Variants in FAT4 observed in about 807,000 individuals in gnomAD.
The protein encoded by FAT4 is protocadherin Fat 4.
Under a neutral mutation model 303.9 loss-of-function variants are expected in FAT4, and 84 were observed. The ratio of observed to expected loss-of-function variants is 0.28; its 90% confidence interval spans 0.23 to 0.33. The LOEUF (loss-of-function observed/expected upper bound fraction) is 0.33, where lower values mean the gene tolerates loss of function less well. Ranked by LOEUF, FAT4 falls within the 10% of genes least tolerant of loss-of-function variation. FAT4 has a pLI of 1.00. For missense variants in FAT4, 6,005 were observed against 6,146.8 expected (o/e 0.98, Z 0.77); for synonymous variants, 2,307 against 2,298.8 (o/e 1.00, Z -0.10).
In FAT4 at chr4:125,479,737, T is replaced by A. The variant is rs1271043356; in HGVS notation, c.12480-4T>A. 1 of 1,579,310 alleles carries A rather than the reference T, an allele frequency of 6.3e-7. No homozygotes were observed. On this transcript the variant is annotated splice_polypyrimidine_tract_variant and splice_region_variant and intron_variant, in intron 14 of 17. Transcript: ENST00000394329. ...GTTATTGTTCTCATTATGATTTATT[T>A]TAGATGCCCTAGGCTGGAAGGCGCT...
chr4:125,317,984 A>G lies in FAT4; in HGVS notation c.1573A>G (p.Ile525Val). Reference sequence around the variant, plus strand: ...TGGCAATGGACTGGGATGGTTCCATATCAGTGAACATAGCGGCCTCGTGAC... The same window carrying G: ...TGGCAATGGACTGGGATGGTTCCATGTCAGTGAACATAGCGGCCTCGTGAC... ...VSGNGLGWFH[I>V]SEHSGLVTTG... Residue 525 changes from isoleucine to valine, a missense_variant, in exon 2 of 18, where the codon ATC becomes GTC. Coordinates refer to ENST00000394329, the MANE Select transcript of FAT4 (RefSeq NM_001291303.3). This position sits in a 1 kb window ranked among gnomAD's most constrained non-coding sequence, Gnocchi z 7.0. 1 of 1,614,128 alleles carries G rather than the reference A, an allele frequency of 6.2e-7. No homozygotes were observed. The highest frequency in any genetic ancestry group is 8.5e-7 in the Non-Finnish European group (1 of 1,180,030).
chr4:125,341,810 A>G (rs1194401646), intron 2 of FAT4, among the ~76,000 whole-genome samples: 1 of 152,054 alleles, frequency 6.6e-6, no homozygotes, highest in African/African-American at 2.4e-5. Flanking sequence ...CATAATATAA[A>G]GACATTTGAC....
At chr4:125,364,809 TA>T in intron 2 of FAT4, among the ~76,000 whole-genome samples, 1 of 152,236 alleles carries the variant, frequency 6.6e-6, no homozygotes, top group Non-Finnish European at 1.5e-5. Flanking sequence ...AAAGTAAGAC[TA>T]AAAGTTTGGT....
chr4:125,410,033 C>A (rs1167608148), intron 5 of FAT4, among the ~76,000 whole-genome samples: 27 of 152,104 alleles, frequency 1.8e-4, no homozygotes, highest in Non-Finnish European at 2.9e-5. Context: ...TCTATACTTA[C>A]TTTCCTTCTC....
intron 2 of FAT4, among the ~76,000 whole-genome samples, chr4:125,390,532 T>C (rs1317819492): frequency 4.6e-5 from 7 of 152,242 alleles, no homozygotes; most frequent in Non-Finnish European, 8.8e-5. Flanking sequence ...GCTTCCAGCA[T>C]CTTGTTTCAC....
Position 125,318,498 on chromosome 4 carries a change from C to T in FAT4, c.2087C>T (p.Ala696Val). 6.2e-7 allele frequency: 1 copy of T among 1,614,180 alleles called. No homozygotes were observed. Among genetic ancestry groups the T allele is most frequent in the South Asian group, 1.1e-5 (1 of 91,080 alleles). ...SPVFYPVQYF[A>V]HIKENEPGGS... ...GTCTTCTACCCGGTCCAATACTTTG[C>T]TCACATTAAGGAGAATGAGCCTGGA... is the stretch of plus-strand genomic sequence containing the variant. Residue 696 changes from alanine to valine, a missense_variant, in exon 2 of 18, where the codon GCT (alanine) becomes GTT (valine). Physicochemically the swap from Ala to Val is moderately conservative, Grantham distance 64. Transcript: ENST00000394329.
Position 125,360,013 on chromosome 4 carries a change from A to G in FAT4, c.5175+38427A>G, listed in dbSNP as rs1732592316. Among the ~76,000 whole-genome samples, 5 of 152,234 alleles carry G rather than the reference A, an allele frequency of 3.3e-5. No individual in the cohort carries two copies. In the South Asian group the frequency reaches 8.3e-4, roughly 25 times the overall value. ...TAGATGGATTTTCCCTCAGGATGAA[A>G]CAACCTAAATTCAAGTGTCCTAAAC... On this transcript the variant is annotated intron_variant, in intron 2 of 17. Transcript: ENST00000394329.
At chr4:125,378,467 T>C (rs545375946) in intron 2 of FAT4, among the ~76,000 whole-genome samples, 8 of 152,250 alleles carry the variant, frequency 5.3e-5, no homozygotes, top group African/African-American at 1.9e-4. Context: ...AAATCAGATG[T>C]AATTTCATAT....
intron 10 of FAT4, 31 bp downstream of exon 10, chr4:125,452,841 G>A: frequency 6.4e-7 from 1 of 1,551,686 alleles, no homozygotes; most frequent in Non-Finnish European, 8.7e-7. Context: ...TTCTCACTAA[G>A]ACTTTAGCCA....
intron 2 of FAT4, among the ~76,000 whole-genome samples, chr4:125,322,283 T>G (rs1194844534): frequency 2.0e-5 from 3 of 152,144 alleles, no homozygotes; most frequent in African/African-American, 7.2e-5. Flanking sequence ...TTGACAATAC[T>G]GAGTTCAATG....
Position 125,489,837 on chromosome 4 carries a change from A to G in FAT4, c.13085-64A>G, listed in dbSNP as rs1475117322. Reference sequence around the variant, plus strand: ...TCTCTTTACAAGAACCCAGCAGTGTAGTATAAGCTCTTTTTTTTTTTTTTT... The same window carrying G: ...TCTCTTTACAAGAACCCAGCAGTGTGGTATAAGCTCTTTTTTTTTTTTTTT... On this transcript the variant is annotated intron_variant, in intron 17 of 17. Coordinates refer to ENST00000394329, the MANE Select transcript of FAT4 (RefSeq NM_001291303.3). The G allele has an allele frequency of 4.5e-6, 5 of 1,110,490 alleles. No individual in the cohort carries two copies. The African/African-American group carries it at 7.2e-5, about 16-fold the overall frequency. The allele number at this position is 1,110,490 out of a possible 1,614,324, so 68.8% of individuals were successfully genotyped here. A position where few individuals can be genotyped will look rare whatever the true frequency, so the allele number is the denominator to read the frequency against.
In FAT4 at chr4:125,321,413, G is replaced by A; in HGVS notation, c.5002G>A (p.Val1668Ile). 1.2e-6 allele frequency: 2 copies of A among 1,614,114 alleles called. No homozygotes were observed. Among genetic ancestry groups the A allele is most frequent in the Non-Finnish European group, 1.7e-6 (2 of 1,179,996 alleles). The change falls in exon 2 of 18, where the codon GTT becomes ATT. Residue 1668 changes from valine (V) to isoleucine (I), a missense_variant. Coordinates refer to ENST00000394329, the MANE Select transcript of FAT4 (RefSeq NM_001291303.3). ...TGAGGCCCCAGTGGAGTATTATATT[G>A]TTTCAGTTCGTTGTGAAGAAAAAAC... ...GSEAPVEYYI[V>I]SVRCEEKTVG...
chr4:125,463,502 G>A, intron 10 of FAT4, 61 bp from the exon 11 acceptor site: 4 of 991,856 alleles, frequency 4.0e-6, no homozygotes, highest in Non-Finnish European at 3.0e-6. Flanking sequence ...TGGTAATGGT[G>A]TAACGGTGTT....
At chr4:125,411,856 G>GTATATATA (rs10536435) in intron 5 of FAT4, among the ~76,000 whole-genome samples, 1 of 147,338 alleles carries the variant, frequency 6.8e-6, no homozygotes, top group African/African-American at 2.5e-5. Flanking sequence ...GTGTATGTGT[G>GTATATATA]TATATATATA....
At chr4:125,368,260 T>C (rs920383957) in intron 2 of FAT4, among the ~76,000 whole-genome samples, 1 of 152,024 alleles carries the variant, frequency 6.6e-6, no homozygotes, top group African/African-American at 2.4e-5. Context: ...AGTCATTTTT[T>C]CCAGTATGAC....
intron 7 of FAT4, among the ~76,000 whole-genome samples, chr4:125,422,199 T>C (rs963987379): frequency 2.6e-5 from 4 of 152,198 alleles, no homozygotes; most frequent in Admixed American, 6.5e-5. Flanking sequence ...ATATAAAGAA[T>C]TTGTTAGGCT....
chr4:125,373,448 A>C (rs2125993267), intron 2 of FAT4, among the ~76,000 whole-genome samples: 1 of 152,296 alleles, frequency 6.6e-6, no homozygotes, highest in East Asian at 1.9e-4. Flanking sequence ...AAAGTTTGAT[A>C]TTTATTATTA....
intron 7 of FAT4, among the ~76,000 whole-genome samples, chr4:125,422,856 T>A (rs1298497652): frequency 6.6e-6 from 1 of 152,156 alleles, no homozygotes; most frequent in Non-Finnish European, 1.5e-5. Flanking sequence ...ACTTTTTGAA[T>A]GGCTTTGACC....
intron 3 of FAT4, among the ~76,000 whole-genome samples, chr4:125,405,010 T>A (rs895489111): frequency 7.3e-5 from 11 of 151,670 alleles, no homozygotes; most frequent in Middle Eastern, 3.2e-3. Context: ...TTTTTTTTTT[T>A]AAATTTTGGA....
Sources: allele counts gnomAD v4.1 joint callset (sites outside exome capture counted in the v4.1 genomes callset), GRCh38; gene constraint gnomAD v4.1.1; non-coding constraint Gnocchi (gnomAD v3.1); transcripts MANE v1.5; gene names NCBI Gene and HGNC (gene_info 2026-07-23, HGNC 2026-07-21).